Variants in PGCKA1 observed in about 807,000 individuals in gnomAD.
PGCKA1 encodes PDCD10 and GCKIII kinases-associated protein 1.
At chr4:37,478,226 T>C in the PGCKA1 span, among the ~76,000 whole-genome samples, 1 of 147,828 alleles carries the variant, frequency 6.8e-6, no homozygotes, top group Admixed American at 6.8e-5. Context: ...TTTTTCTTCC[T>C]ATGTTACCTT....
chr4:37,489,667 C>G, the PGCKA1 span, among the ~76,000 whole-genome samples: 1 of 152,062 alleles, frequency 6.6e-6, no homozygotes, highest in African/African-American at 2.4e-5. Context: ...ATTTTTCTGT[C>G]TTTAATGCAA....
At chr4:37,534,476 A>C in the PGCKA1 span, among the ~76,000 whole-genome samples, 1 of 152,218 alleles carries the variant, frequency 6.6e-6, no homozygotes, top group Non-Finnish European at 1.5e-5. Flanking sequence ...AGTACCCACT[A>C]TGTGCTTGCT....
At chr4:37,499,792 A>C in the PGCKA1 span, among the ~76,000 whole-genome samples, 1 of 150,310 alleles carries the variant, frequency 6.7e-6, no homozygotes, top group Non-Finnish European at 1.5e-5. Context: ...TTCATCTCTC[A>C]ATCTTCTTCA....
chr4:37,580,247 T>A, the PGCKA1 span, among the ~76,000 whole-genome samples: 1 of 152,130 alleles, frequency 6.6e-6, no homozygotes, highest in Non-Finnish European at 1.5e-5. Flanking sequence ...AAAAGTCATA[T>A]ATCTCTGTTT....
At chr4:37,565,405 G>A in the PGCKA1 span, among the ~76,000 whole-genome samples, 1 of 152,136 alleles carries the variant, frequency 6.6e-6, no homozygotes, top group South Asian at 2.1e-4. Context: ...CACAACACGG[G>A]CAGCCTCTGG....
chr4:37,517,182 C>T, the PGCKA1 span, among the ~76,000 whole-genome samples: 3 of 151,120 alleles, frequency 2.0e-5, no homozygotes, highest in Non-Finnish European at 4.4e-5. Flanking sequence ...ACCCGGGAGG[C>T]GGAGGTTGCA....
chr4:37,555,237 A>T, the PGCKA1 span, among the ~76,000 whole-genome samples: 31 of 152,008 alleles, frequency 2.0e-4, no homozygotes, highest in Admixed American at 2.0e-3. Context: ...CCCCTTTCAT[A>T]CTCTCAGTGC....
At chr4:37,578,740 G>A in the PGCKA1 span, among the ~76,000 whole-genome samples, 2 of 151,908 alleles carry the variant, frequency 1.3e-5, no homozygotes, top group Admixed American at 6.6e-5. Context: ...ATTTGAAGTT[G>A]CCATGAGGCC....
At chr4:37,534,473 A>G in the PGCKA1 span, among the ~76,000 whole-genome samples, 1 of 152,210 alleles carries the variant, frequency 6.6e-6, no homozygotes, top group Non-Finnish European at 1.5e-5. Context: ...TTGAGTACCC[A>G]CTATGTGCTT....
the PGCKA1 span, among the ~76,000 whole-genome samples, chr4:37,548,236 G>A: frequency 6.6e-6 from 1 of 152,076 alleles, no homozygotes; most frequent in African/African-American, 2.4e-5. Context: ...AAGGCCTCCT[G>A]AGTACTACTG....
the PGCKA1 span, among the ~76,000 whole-genome samples, chr4:37,539,284 C>T: frequency 1.3e-5 from 2 of 152,168 alleles, no homozygotes; most frequent in Non-Finnish European, 2.9e-5. Flanking sequence ...GTGGTTATCG[C>T]GTTCTGCTGC....
the PGCKA1 span, among the ~76,000 whole-genome samples, chr4:37,559,740 T>C: frequency 6.6e-6 from 1 of 152,082 alleles, no homozygotes; most frequent in Non-Finnish European, 1.5e-5. Context: ...ATACAGACCT[T>C]CCTTCTCTTT....
chr4:37,587,157 A>T, the PGCKA1 span, among the ~76,000 whole-genome samples: 1 of 151,994 alleles, frequency 6.6e-6, no homozygotes, highest in African/African-American at 2.4e-5. Context: ...TTTTGGTCAC[A>T]TTGCCTCTTC....
chr4:37,508,374 C>T, the PGCKA1 span, among the ~76,000 whole-genome samples: 1 of 152,104 alleles, frequency 6.6e-6, no homozygotes, highest in East Asian at 1.9e-4. Context: ...TTCTAGATCT[C>T]GTAGGTATGC....
At chr4:37,496,575 T>C in the PGCKA1 span, among the ~76,000 whole-genome samples, 1 of 152,242 alleles carries the variant, frequency 6.6e-6, no homozygotes, top group Admixed American at 6.5e-5. Context: ...AGGATTGCCT[T>C]GGCCATTTGG....
the PGCKA1 span, among the ~76,000 whole-genome samples, chr4:37,566,416 G>A: frequency 4.0e-5 from 6 of 151,122 alleles, no homozygotes; most frequent in African/African-American, 1.2e-4. Context: ...GAGTAGCTGC[G>A]ATTACAGGCG....
the PGCKA1 span, among the ~76,000 whole-genome samples, chr4:37,471,840 G>A: frequency 3.3e-5 from 5 of 152,094 alleles, no homozygotes; most frequent in Non-Finnish European, 5.9e-5. Context: ...AAAAATAAAG[G>A]GAGACTTCAT....
At chr4:37,477,177 C>T in the PGCKA1 span, among the ~76,000 whole-genome samples, 20 of 152,200 alleles carry the variant, frequency 1.3e-4, no homozygotes, top group South Asian at 2.3e-3. Context: ...GAAAATAATA[C>T]GTGATACATC....
chr4:37,534,126 A>G, the PGCKA1 span, among the ~76,000 whole-genome samples: 1 of 152,206 alleles, frequency 6.6e-6, no homozygotes, highest in Non-Finnish European at 1.5e-5. Context: ...ATACAGAAAT[A>G]ATCATCTTGT....
Sources: gnomAD v4.1 joint callset for allele counts (sites outside exome capture counted in the v4.1 genomes callset) on GRCh38, gnomAD v4.1.1 for gene constraint, MANE v1.5 for transcripts, NCBI Gene and HGNC (gene_info 2026-07-23, HGNC 2026-07-21) for gene names.